ITIH2: variants seen among roughly 807,000 people sequenced by gnomAD.
ITIH2 encodes the protein inter-alpha-trypsin inhibitor heavy chain H2.
A neutral mutation model predicts 104.4 loss-of-function variants in ITIH2; 103 were observed. The observed-to-expected ratio is 0.99, with a 90% confidence interval of 0.84 to 1.16. The LOEUF is 1.16. Ranked by LOEUF, ITIH2 falls within the 50% of genes most tolerant of loss-of-function variation. ITIH2 has a pLI of 0.00. For synonymous variants in ITIH2, 436 were observed against 435.4 expected (o/e 1.00, Z -0.02); for missense variants, 1,108 against 1,162.4 (o/e 0.95, Z 0.68).
In ITIH2 at chr10:7,735,649, TTTTTC is replaced by T. The variant is rs199717787; in HGVS notation, c.1957+583_1957+587del. 3.8e-3 allele frequency among the ~76,000 whole-genome samples: 575 copies of T among 150,904 alleles called. 2 individuals carry two copies. The highest frequency in any genetic ancestry group is 9.0e-3 in the East Asian group (46 of 5,104). On this transcript the variant is annotated intron_variant, in intron 15 of 20. Transcript: ENST00000358415. Reference sequence around the variant, plus strand: ...ATAAAACTGTCACATCACTGTTTTCTTTTTCTTTTCTTTTCTTTTCTTTTCTTTTT... The same window carrying T: ...ATAAAACTGTCACATCACTGTTTTCTTTTTCTTTTCTTTTCTTTTCTTTTT...
rs1564301325 is a variant in ITIH2 at position 7,721,792 on chromosome 10, G to A, written c.867+15G>A. On this transcript the variant is annotated intron_variant, in intron 8 of 20. Transcript: ENST00000358415. ...GTGAACTGGAGGTGAGTGCACACCG[G>A]CTCTGGTTCTACTGCCAAGCTCGTG... 1.2e-6 allele frequency: 2 copies of A among 1,612,750 alleles called. No homozygotes were observed. The highest frequency in any genetic ancestry group is 8.5e-7 in the Non-Finnish European group (1 of 1,179,270).
At chr10:7,738,875 G>A in intron 16 of ITIH2, 117 bp downstream of exon 16, 1 of 933,094 alleles carries the variant, frequency 1.1e-6, no homozygotes, top group Non-Finnish European at 1.5e-6. Context: ...CACTTTGGGA[G>A]GCCAAGGCAG....
intron 19 of ITIH2, 69 bp downstream of exon 19, chr10:7,745,032 T>A: frequency 7.2e-7 from 1 of 1,396,168 alleles, no homozygotes; most frequent in Non-Finnish European, 1.0e-6. Context: ...TGGTTGACAG[T>A]GGTTACAAGT....
chr10:7,727,198 T>C, intron 10 of ITIH2, 80 bp downstream of exon 10: 3 of 1,180,402 alleles, frequency 2.5e-6, no homozygotes, highest in Non-Finnish European at 3.6e-6. Context: ...ATTATTCCCA[T>C]CACAGTGGTC....
chr10:7,717,916 T>A lies in ITIH2; in HGVS notation c.630+128T>A, dbSNP rs1834866336. On this transcript the variant is annotated intron_variant, in intron 6 of 20. Transcript: ENST00000358415. ...CACTCAACTCTACAAGACAGTGGGA[T>A]GTATTGAAAAGATGGTGGGTTTGGA... 1.1e-5 allele frequency: 10 copies of A among 888,020 alleles called. No individual in the cohort carries two copies. The South Asian group carries it at 1.7e-4, about 15-fold the overall frequency. The allele number at this position is 888,020 out of a possible 1,614,324, so 55.0% of individuals were successfully genotyped here. A position where few individuals can be genotyped will look rare whatever the true frequency, so the allele number is the denominator to read the frequency against.
intron 16 of ITIH2, among the ~76,000 whole-genome samples, chr10:7,742,694 T>C (rs886416222): frequency 1.3e-5 from 2 of 152,164 alleles, no homozygotes; most frequent in African/African-American, 4.8e-5. Context: ...CAGTGAGCCA[T>C]GATTGCAACA....
Position 7,713,295 on chromosome 10 carries a change from G to GTGCCTCTC in ITIH2, c.467+10_467+11insTGCCTCTC. 1 of 1,600,348 alleles carries GTGCCTCTC rather than the reference G, an allele frequency of 6.2e-7. No homozygotes were observed. The highest frequency in any genetic ancestry group is 1.1e-5 in the South Asian group (1 of 90,578). On this transcript the variant is annotated intron_variant, in intron 5 of 20. Coordinates refer to ENST00000358415, the MANE Select transcript of ITIH2 (RefSeq NM_002216.3). ...CGGCTGGCTTGGTGAGGTAAGGCCT[G>GTGCCTCTC]AGTGAGCAAGGCTTGCCCTTGCCTC...
intron 5 of ITIH2, among the ~76,000 whole-genome samples, chr10:7,715,544 C>T (rs572441413): frequency 1.6e-4 from 25 of 152,244 alleles, no homozygotes; most frequent in South Asian, 1.0e-3. Context: ...ACTGGAGATA[C>T]GGCAGGGAAC....
intron 14 of ITIH2, 88 bp from the exon 15 acceptor site, chr10:7,734,834 C>A: frequency 8.6e-7 from 1 of 1,167,200 alleles, no homozygotes; most frequent in Non-Finnish European, 1.2e-6. Context: ...TGGACCCCAG[C>A]AGTGGTGGGG....
At position 7,717,775 on chromosome 10, in the gene ITIH2, C is replaced by G. The variant is rs926770427; in HGVS notation, c.617C>G (p.Ala206Gly). Residue 206 changes from alanine (A) to glycine (G), a missense_variant, in exon 6 of 21, where the codon GCC becomes GGC. Coordinates refer to ENST00000358415, the MANE Select transcript of ITIH2 (RefSeq NM_002216.3). ...ATCTATCTGCAACCTGGACGGCTGG[C>G]CAAACACTTAGAGGTAAGCCTGGAT... is the stretch of plus-strand genomic sequence containing the variant. ...HRIYLQPGRLAKHLEVDVWVI... is the reference protein window; with the variant it reads ...HRIYLQPGRLGKHLEVDVWVI... 3.1e-6 allele frequency: 5 copies of G among 1,610,342 alleles called. No individual in the cohort carries two copies. The African/African-American group carries it at 5.3e-5, about 17-fold the overall frequency.
intron 7 of ITIH2, among the ~76,000 whole-genome samples, chr10:7,721,361 T>C (rs1201369151): frequency 6.6e-6 from 1 of 152,138 alleles, no homozygotes; most frequent in Non-Finnish European, 1.5e-5. Context: ...ATTAAAACAT[T>C]TCACAAACTC....
At position 7,738,769 on chromosome 10, in the gene ITIH2, T is replaced by A. The variant is rs763923645; in HGVS notation, c.2095+11T>A. On this transcript the variant is annotated intron_variant, in intron 16 of 20. Coordinates refer to ENST00000358415, the MANE Select transcript of ITIH2 (RefSeq NM_002216.3). ...CACATGTGATGAGAGGTAACGCTTC[T>A]ACACTGCTTGCACGTCCCAGAACTC... 2.5e-6 allele frequency: 4 copies of A among 1,587,348 alleles called. No individual in the cohort carries two copies. Among genetic ancestry groups the A allele is most frequent in the Non-Finnish European group, 2.6e-6 (3 of 1,166,874 alleles).
rs2131150378 is a variant in ITIH2 at position 7,705,146 on chromosome 10, C to A, written c.123C>A (p.Gly41=). ...DYEDLVELAP[G]KFQLVAENRR... Reference sequence around the variant, plus strand: ...AAGATCTTGTGGAACTGGCCCCAGGCAAATTTCAATTGGTGGCAGAGAACC... The same window carrying A: ...AAGATCTTGTGGAACTGGCCCCAGGAAAATTTCAATTGGTGGCAGAGAACC... Residue 41 remains glycine (G), a synonymous_variant, in exon 2 of 21, where the codon GGC becomes GGA. Coordinates refer to ENST00000358415, the MANE Select transcript of ITIH2 (RefSeq NM_002216.3). 6 of 1,612,258 alleles carry A rather than the reference C, an allele frequency of 3.7e-6. No individual in the cohort carries two copies. The highest frequency in any genetic ancestry group is 3.4e-6 in the Non-Finnish European group (4 of 1,179,014).
Position 7,735,014 on chromosome 10 carries a change from C to A in ITIH2, c.1880C>A (p.Ser627Ter). 1 of 1,613,760 alleles carries A rather than the reference C, an allele frequency of 6.2e-7. No individual in the cohort carries two copies. Among genetic ancestry groups the A allele is most frequent in the Non-Finnish European group, 8.5e-7 (1 of 1,180,028 alleles). The change falls in exon 15 of 21, where the codon TCG becomes TAG. Residue 627 changes from serine (S) to a stop codon, truncating the protein, a stop_gained. Coordinates refer to ENST00000358415, the MANE Select transcript of ITIH2 (RefSeq NM_002216.3). LOFTEE classifies it high-confidence loss of function. ...LDHHIVTPLTSLVIENEAGDE... is the reference protein window; with the variant it reads ...LDHHIVTPLT ...CACCACATTGTGACTCCGCTGACCTCGCTGGTGATCGAGAACGAGGCTGGG... is the reference window on the plus strand; with the variant it reads ...CACCACATTGTGACTCCGCTGACCTAGCTGGTGATCGAGAACGAGGCTGGG...
Position 7,732,601 on chromosome 10 carries a change from ATTATT to A in ITIH2, c.1787+125_1787+129del, listed in dbSNP as rs768290049. 2.5e-3 allele frequency: 2,409 copies of A among 971,430 alleles called. 8 individuals carry two copies. Among genetic ancestry groups the A allele is most frequent in the Non-Finnish European group, 3.2e-3 (2,162 of 669,272 alleles). 60.2% of individuals were successfully genotyped at this position (971,430 alleles called of 1,614,324 possible). A position where few individuals can be genotyped will look rare whatever the true frequency, so the allele number is the denominator to read the frequency against. On this transcript the variant is annotated intron_variant, in intron 14 of 20. Coordinates refer to ENST00000358415, the MANE Select transcript of ITIH2 (RefSeq NM_002216.3). Reference sequence around the variant, plus strand: ...AGACAGCACATTAGCACAGGCTTGGATTATTACCTTCCACTAGTTCTGAACACTTC... The same window carrying A: ...AGACAGCACATTAGCACAGGCTTGGAACCTTCCACTAGTTCTGAACACTTC...
At position 7,709,092 on chromosome 10, in the gene ITIH2, C is replaced by A. The variant is rs1240901364; in HGVS notation, c.263C>A (p.Thr88Asn). 6.2e-7 allele frequency: 1 copy of A among 1,614,090 alleles called. No homozygotes were observed. Among genetic ancestry groups the A allele is most frequent in the Non-Finnish European group, 8.5e-7 (1 of 1,179,966 alleles). Residue 88 changes from threonine to asparagine, a missense_variant, in exon 4 of 21, where the codon ACC (threonine) becomes AAC (asparagine). Coordinates refer to ENST00000358415, the MANE Select transcript of ITIH2 (RefSeq NM_002216.3). ...ACTATTACTTCTCGGATGGCCACCA[C>A]CATGATCCAGAGCAAAGTGGTGAAC... Reference protein sequence around the residue: ...QSTITSRMATTMIQSKVVNNS... With the variant: ...QSTITSRMATNMIQSKVVNNS...
At chr10:7,719,483 T>C (rs562651015) in intron 6 of ITIH2, among the ~76,000 whole-genome samples, 2 of 152,268 alleles carry the variant, frequency 1.3e-5, no homozygotes, top group East Asian at 3.9e-4. Context: ...AATGGTTAGA[T>C]GTGATTAGCA....
Position 7,727,025 on chromosome 10 carries a change from A to C in ITIH2, c.1060A>C (p.Asn354His). ...DHFSVIDFNQ[N>H]IRTWRNDLIS... ...TTTCTCTGTGATTGATTTCAACCAG[A>C]ACATTCGAACTTGGAGAAATGATTT... Residue 354 changes from asparagine to histidine, a missense_variant, in exon 10 of 21, where the codon AAC becomes CAC. By Grantham distance (68) the Asn-to-His change is moderately conservative (BLOSUM62 1). Coordinates refer to ENST00000358415, the MANE Select transcript of ITIH2 (RefSeq NM_002216.3). 6.2e-7 allele frequency: 1 copy of C among 1,614,082 alleles called. No homozygotes were observed. The highest frequency in any genetic ancestry group is 8.5e-7 in the Non-Finnish European group (1 of 1,179,900).
At chr10:7,746,475 G>A (rs969010540) in intron 19 of ITIH2, 118 bp from the exon 20 acceptor site, 1 of 676,168 alleles carries the variant, frequency 1.5e-6, no homozygotes, top group African/African-American at 1.8e-5. Context: ...CTCTCAGCTT[G>A]TCTTTCCACC....
Sources: allele counts gnomAD v4.1 joint callset (sites outside exome capture counted in the v4.1 genomes callset), GRCh38; gene constraint gnomAD v4.1.1; transcripts MANE v1.5; gene names NCBI Gene and HGNC (gene_info 2026-07-23, HGNC 2026-07-21).